The following MADCAM1 variants were observed in gnomAD, a reference collection of about 807,000 sequenced individuals.
MADCAM1 encodes the protein mucosal vascular addressin cell adhesion molecule 1.
A neutral mutation model predicts 26.1 loss-of-function variants in MADCAM1; 19 were observed. The observed-to-expected ratio is 0.73, with a 90% CI of 0.51 to 1.07. The LOEUF is 1.07. Among genes scored for constraint, MADCAM1 ranks in the 50% least tolerant of loss-of-function variants. MADCAM1 has a pLI of 0.00. For missense variants in MADCAM1, 514 were observed against 542.1 expected (o/e 0.95, Z 0.51); for synonymous variants, 268 against 260.9 (o/e 1.03, Z -0.26).
chr19:503,366 G>A (rs1394871896), intron 4 of MADCAM1, among the ~76,000 whole-genome samples: 1 of 151,144 alleles, frequency 6.6e-6, no homozygotes, highest in South Asian at 2.1e-4. Context: ...CGGATCACGA[G>A]GTCAGGAGAT....
intron 3 of MADCAM1, among the ~76,000 whole-genome samples, chr19:500,795 G>A (rs1370090922): frequency 6.6e-6 from 1 of 151,766 alleles, no homozygotes; most frequent in Non-Finnish European, 1.5e-5. Flanking sequence ...GCTTGAACCC[G>A]GGAGGCGGAG....
rs1326590676 is a variant in MADCAM1 at position 505,229 on chromosome 19, A to G, written c.*264A>G. On this transcript the variant is annotated 3_prime_UTR_variant, in exon 5 of 5. Transcript: ENST00000215637. ...AACCACGTACTTTTTACATACATTG[A>G]TTCATGTCTCACGTCTCCCTAAAAA... is the stretch of plus-strand genomic sequence containing the variant. 1.2e-5 allele frequency: 5 copies of G among 404,226 alleles called. No homozygotes were observed. The highest frequency in any genetic ancestry group is 2.2e-5 in the Non-Finnish European group (5 of 226,814). 25.0% of individuals were successfully genotyped at this position (404,226 alleles called of 1,614,324 possible).
chr19:502,894 G>A (rs141051366), intron 4 of MADCAM1, among the ~76,000 whole-genome samples: 249 of 152,284 alleles, frequency 1.6e-3, no homozygotes, highest in Non-Finnish European at 2.5e-3. Flanking sequence ...GTAGGTAAGC[G>A]CAAAGGAGGA....
intron 2 of MADCAM1, 101 bp from the exon 3 acceptor site, chr19:498,378 TCATCAGCAGCCCCCACG>T: frequency 8.9e-7 from 1 of 1,128,932 alleles, no homozygotes; most frequent in South Asian, 2.4e-5. Flanking sequence ...TACTGCCTGT[TCATCAGCAGCCCCCACG>T]CATCCTTGGC....
At position 499,925 on chromosome 19, in the gene MADCAM1, C is replaced by T. The variant is rs1482321455; in HGVS notation, c.667+1100C>T. On this transcript the variant is annotated intron_variant, in intron 3 of 4. Coordinates refer to ENST00000215637, the MANE Select transcript of MADCAM1 (RefSeq NM_130760.3). Reference sequence around the variant, plus strand: ...ATACCCATGTTAATGGACGTGAGGTCGTGAGTTTCAAGCAAAGGGCTCCCG... The same window carrying T: ...ATACCCATGTTAATGGACGTGAGGTTGTGAGTTTCAAGCAAAGGGCTCCCG... The T allele has an allele frequency of 9.2e-6, 4 of 432,798 alleles. No homozygotes were observed. In the East Asian group the frequency reaches 2.3e-4, roughly 25 times the overall value. The allele number at this position is 432,798 out of a possible 1,614,324, so 26.8% of individuals were successfully genotyped here.
At chr19:500,991 A>G (rs4919907) in intron 3 of MADCAM1, among the ~76,000 whole-genome samples, 132,129 of 152,056 alleles carry the variant, frequency 0.87, 57,651 homozygotes, top group African/African-American at 0.93. Flanking sequence ...GTTCCAGACC[A>G]GCTTGGGCAA....
chr19:504,811 T>C lies in MADCAM1; in HGVS notation c.995T>C (p.Leu332Pro). 4.3e-6 allele frequency: 7 copies of C among 1,613,070 alleles called. No individual in the cohort carries two copies. Among genetic ancestry groups the C allele is most frequent in the Non-Finnish European group, 5.9e-6 (7 of 1,179,992 alleles). The stretch of plus-strand genomic sequence containing the variant: ...ACCAGCAGTGCGGTGCTGGGACTGC[T>C]GCTCCTGGCCTTGCCCACCTATCAC... Reference protein sequence around the residue: ...LWTSSAVLGLLLLALPTYHLW... With the variant: ...LWTSSAVLGLPLLALPTYHLW... The change falls in exon 5 of 5, where the codon CTG becomes CCG. Residue 332 changes from leucine to proline, a missense_variant. By Grantham distance (98) the Leu-to-Pro change is moderately conservative. This residue lies in a region of MADCAM1 where 152 missense variants were observed against 136.7 expected (regional missense o/e 1.11). Coordinates refer to ENST00000215637, the MANE Select transcript of MADCAM1 (RefSeq NM_130760.3).
Position 498,642 on chromosome 19 carries a change from C to T in MADCAM1, c.484C>T (p.Gln162Ter). Residue 162 changes from glutamine to a stop codon, truncating the protein, a stop_gained, in exon 3 of 5, where the codon CAA (glutamine) becomes TAA (stop). Transcript: ENST00000215637. LOFTEE classifies it high-confidence loss of function. Reference sequence around the variant, plus strand: ...CGGGGGCCAGGAACTGGAGGGGGCGCAAGCCCTGGGCCCGGAGGTGCAGGA... The same window carrying T: ...CGGGGGCCAGGAACTGGAGGGGGCGTAAGCCCTGGGCCCGGAGGTGCAGGA... The part of the protein sequence containing the change: ...LVGGQELEGA[Q>*]ALGPEVQEEE... 4.8e-6 allele frequency: 7 copies of T among 1,465,656 alleles called. No homozygotes were observed. The highest frequency in any genetic ancestry group is 6.3e-6 in the Non-Finnish European group (7 of 1,114,308). The allele number at this position is 1,465,656 out of a possible 1,614,324, so 90.8% of individuals were successfully genotyped here.
rs769939396 is a variant in MADCAM1 at position 501,877 on chromosome 19, C to T, written c.876C>T (p.Arg292=). The T allele has an allele frequency of 3.2e-6, 5 of 1,558,778 alleles. 1 individual carries two copies. The East Asian group carries it at 7.2e-5, about 22-fold the overall frequency. The change falls in exon 4 of 5, where the codon CGC becomes CGT. Residue 292 remains arginine, a synonymous_variant. Coordinates refer to ENST00000215637, the MANE Select transcript of MADCAM1 (RefSeq NM_130760.3). ...GCCCAGGCTCCACCAGGACTCGCCGCCCTGAGATCTCCCAGGCTGGGCCCA... is the reference window on the plus strand; with the variant it reads ...GCCCAGGCTCCACCAGGACTCGCCGTCCTGAGATCTCCCAGGCTGGGCCCA... ...PRSPGSTRTR[R]PEISQAGPTQ... is the part of the protein sequence containing the mutation.
intron 4 of MADCAM1, among the ~76,000 whole-genome samples, chr19:502,301 T>C (rs939625880): frequency 2.0e-5 from 3 of 152,128 alleles, no homozygotes; most frequent in Non-Finnish European, 4.4e-5. Context: ...CATAGGTAAT[T>C]TCTTTCCTTT....
At position 498,794 on chromosome 19, in the gene MADCAM1, C is replaced by T. The variant is rs1439576916; in HGVS notation, c.636C>T (p.Gly212=). The T allele has an allele frequency of 4.7e-6, 7 of 1,474,624 alleles. No individual in the cohort carries two copies. The highest frequency in any genetic ancestry group is 6.2e-6 in the Non-Finnish European group (7 of 1,120,940). 91.3% of individuals were successfully genotyped at this position (1,474,624 alleles called of 1,614,324 possible). ...GCCAGGCCACGATGAGGCTGCCTGG[C>T]TTGGAGCTCAGCCACCGCCAGGCCA... ...LYCQATMRLP[G]LELSHRQAIP... Residue 212 remains glycine (G), a synonymous_variant, in exon 3 of 5, where the codon GGC becomes GGT. Coordinates refer to ENST00000215637, the MANE Select transcript of MADCAM1 (RefSeq NM_130760.3).
rs576214537 is a variant in MADCAM1, at chr19:505,024, T to A, written c.*59T>A. ...GCTTGGACCCCTTCAAGTTGAGAACTGGTCAGGGCAAACCTGCCTCCCATT... is the reference window on the plus strand; with the variant it reads ...GCTTGGACCCCTTCAAGTTGAGAACAGGTCAGGGCAAACCTGCCTCCCATT... On this transcript the variant is annotated 3_prime_UTR_variant, in exon 5 of 5. Transcript: ENST00000215637. 6.7e-4 allele frequency: 874 copies of A among 1,308,606 alleles called. 2 individuals are homozygous for A. Among genetic ancestry groups the A allele is most frequent in the Non-Finnish European group, 8.6e-4 (823 of 957,310 alleles). 81.1% of individuals were successfully genotyped at this position (1,308,606 alleles called of 1,614,324 possible). A position where few individuals can be genotyped will look rare whatever the true frequency, so the allele number is the denominator to read the frequency against.
At chr19:503,559 A>T (rs1005181242) in intron 4 of MADCAM1, among the ~76,000 whole-genome samples, 7 of 143,774 alleles carry the variant, frequency 4.9e-5, no homozygotes, top group Non-Finnish European at 9.1e-5. Flanking sequence ...CCAACCTGGG[A>T]GACAGCAAGA....
In MADCAM1 at chr19:497,878, C is replaced by T; in HGVS notation, c.98C>T (p.Pro33Leu). The change falls in exon 2 of 5, where the codon CCG becomes CTG. Residue 33 changes from proline to leucine, a missense_variant. Physicochemically the swap from Pro to Leu is moderately conservative, Grantham distance 98. Coordinates refer to ENST00000215637, the MANE Select transcript of MADCAM1 (RefSeq NM_130760.3). ...VKPLQVEPPE[P>L]VVAVALGASR... The stretch of plus-strand genomic sequence containing the variant: ...CCCCTGCAGGTGGAGCCCCCGGAGC[C>T]GGTGGTGGCCGTGGCCTTGGGCGCC... The T allele has an allele frequency of 1.5e-6, 2 of 1,348,598 alleles. No individual in the cohort carries two copies. The highest frequency in any genetic ancestry group is 3.1e-5 in the East Asian group (1 of 32,256). 83.5% of individuals were successfully genotyped at this position (1,348,598 alleles called of 1,614,324 possible).
chr19:505,258 G>GT lies in MADCAM1; in HGVS notation c.*294dup. The stretch of plus-strand genomic sequence containing the variant: ...ATGTCTCACGTCTCCCTAAAAATGC[G>GT]TAAGACCAAGCTGTGCCCTGACCAC... On this transcript the variant is annotated 3_prime_UTR_variant, in exon 5 of 5. Coordinates refer to ENST00000215637, the MANE Select transcript of MADCAM1 (RefSeq NM_130760.3). 1 of 346,032 alleles carries GT rather than the reference G, an allele frequency of 2.9e-6. No homozygotes were observed. The highest frequency in any genetic ancestry group is 4.5e-5 in the East Asian group (1 of 22,028). 21.4% of individuals were successfully genotyped at this position (346,032 alleles called of 1,614,324 possible).
intron 1 of MADCAM1, among the ~76,000 whole-genome samples, chr19:497,224 C>A (rs1414171217): frequency 1.1e-4 from 4 of 35,622 alleles, no homozygotes; most frequent in Non-Finnish European, 2.1e-4. Flanking sequence ...GAAGAGGACT[C>A]AGGAGAGAGG....
chr19:501,613 G>A (rs1483529142), intron 3 of MADCAM1, 56 bp from the exon 4 acceptor site: 2 of 1,530,954 alleles, frequency 1.3e-6, no homozygotes. Context: ...GATTGAGGCA[G>A]GAGAGGCAAG....
intron 4 of MADCAM1, among the ~76,000 whole-genome samples, chr19:503,399 G>A (rs1485033372): frequency 6.6e-6 from 1 of 151,420 alleles, no homozygotes; most frequent in Non-Finnish European, 1.5e-5. Context: ...GGCTAACACG[G>A]TGAAACCCCG....
Position 497,940 on chromosome 19 carries a change from C to G in MADCAM1, c.160C>G (p.Arg54Gly). The G allele has an allele frequency of 2.1e-6, 3 of 1,429,032 alleles. No homozygotes were observed. The highest frequency in any genetic ancestry group is 2.7e-6 in the Non-Finnish European group (3 of 1,097,802). 88.5% of individuals were successfully genotyped at this position (1,429,032 alleles called of 1,614,324 possible). Residue 54 changes from arginine to glycine, a missense_variant, in exon 2 of 5, where the codon CGC (arginine) becomes GGC (glycine). Arg to Gly is a moderately radical substitution (Grantham distance 125). Transcript: ENST00000215637. ...CACCTGCCGCCTGGCCTGCGCGGACCGCGGGGCCTCGGTGCAGTGGCGGGG... is the reference window on the plus strand; with the variant it reads ...CACCTGCCGCCTGGCCTGCGCGGACGGCGGGGCCTCGGTGCAGTGGCGGGG... Reference protein sequence around the residue: ...QLTCRLACADRGASVQWRGLD... With the variant: ...QLTCRLACADGGASVQWRGLD...
Sources: gnomAD v4.1 joint callset for allele counts (sites outside exome capture counted in the v4.1 genomes callset) on GRCh38, gnomAD v4.1.1 for gene constraint, gnomAD v4.1.1 regional missense constraint, MANE v1.5 for transcripts, NCBI Gene and HGNC (gene_info 2026-07-23, HGNC 2026-07-21) for gene names.